The following DMRT1 variants were observed in gnomAD, a reference collection of about 807,000 sequenced individuals.
DMRT1 encodes doublesex- and mab-3-related transcription factor 1.
In DMRT1, 7 loss-of-function variants were observed where a neutral mutation model predicts 32.3. The ratio of observed to expected loss-of-function variants is 0.22; its 90% CI spans 0.12 to 0.41. The LOEUF (loss-of-function observed/expected upper bound fraction) is 0.41. Among genes scored for constraint, DMRT1 ranks in the 10% least tolerant of loss-of-function variants. The pLI, the probability that DMRT1 is intolerant of heterozygous loss-of-function variation, is 1.00. For missense variants in DMRT1, 625 were observed against 500.5 expected (o/e 1.25, Z -2.37); for synonymous variants, 278 against 206.1 (o/e 1.35, Z -2.99).
chr9:843,168 A>G (rs1838761834), intron 1 of DMRT1, among the ~76,000 whole-genome samples: 1 of 152,290 alleles, frequency 6.6e-6, no homozygotes, highest in African/African-American at 2.4e-5. Context: ...ATTAGAAAGG[A>G]TCTTGGAGGG....
At chr9:855,302 A>G (rs1289353690) in intron 2 of DMRT1, among the ~76,000 whole-genome samples, 1 of 152,232 alleles carries the variant, frequency 6.6e-6, no homozygotes, top group Non-Finnish European at 1.5e-5. Flanking sequence ...ACGTAAATAC[A>G]GGGGTTAAAG....
chr9:868,011 T>G (rs1349303173), intron 2 of DMRT1, among the ~76,000 whole-genome samples: 2 of 152,232 alleles, frequency 1.3e-5, no homozygotes, highest in African/African-American at 4.8e-5. Flanking sequence ...AGACAGGGTC[T>G]CTATCGCCCA....
intron 4 of DMRT1, among the ~76,000 whole-genome samples, chr9:960,682 G>T (rs1819743465): frequency 6.6e-6 from 1 of 152,196 alleles, no homozygotes; most frequent in African/African-American, 2.4e-5. Flanking sequence ...GGTACGAGCT[G>T]GGCTTGGCCC....
chr9:947,685 G>A (rs1283522926), intron 4 of DMRT1, among the ~76,000 whole-genome samples: 1 of 152,008 alleles, frequency 6.6e-6, no homozygotes, highest in Non-Finnish European at 1.5e-5. Flanking sequence ...ATGCAGTGGC[G>A]CGATCTCGGC....
intron 3 of DMRT1, among the ~76,000 whole-genome samples, chr9:907,240 C>G (rs1373342410): frequency 6.6e-6 from 1 of 152,184 alleles, no homozygotes; most frequent in Non-Finnish European, 1.5e-5. Context: ...TCCTTTCTCT[C>G]CAGCCATTTT....
intron 3 of DMRT1, among the ~76,000 whole-genome samples, chr9:905,513 T>TGTGTGG (rs1418612091): frequency 4.6e-5 from 7 of 151,772 alleles, no homozygotes; most frequent in African/African-American, 1.5e-4. Context: ...TGTGTGTGTG[T>TGTGTGG]GGCACTGCAG....
chr9:861,795 G>T (rs182940084), intron 2 of DMRT1, among the ~76,000 whole-genome samples: 2 of 69,606 alleles, frequency 2.9e-5, no homozygotes, highest in Non-Finnish European at 7.1e-5. Flanking sequence ...CAGACGGGGC[G>T]GCTGCCGGGC....
In DMRT1 at chr9:961,096, A is replaced by G. The variant is rs796541618; in HGVS notation, c.968-6889A>G. ...AGCAGAGACATGGAGAGGTTAAGGG[A>G]CCTGTCCAAGGTCTTCAGGTAGTAA... On this transcript the variant is annotated intron_variant, in intron 4 of 4. Transcript: ENST00000382276. 1.8e-4 allele frequency among the ~76,000 whole-genome samples: 27 copies of G among 152,248 alleles called. 1 individual carries two copies. The highest frequency in any genetic ancestry group is 6.3e-4 in the African/African-American group (26 of 41,542).
intron 4 of DMRT1, among the ~76,000 whole-genome samples, chr9:961,773 A>G (rs1322145779): frequency 6.6e-6 from 1 of 152,192 alleles, no homozygotes; most frequent in African/African-American, 2.4e-5. Flanking sequence ...GATGCGTTCA[A>G]AAGCAAGAAT....
chr9:854,644 G>C (rs1055005923), intron 2 of DMRT1, among the ~76,000 whole-genome samples: 3 of 151,966 alleles, frequency 2.0e-5, no homozygotes, highest in Non-Finnish European at 4.4e-5. Flanking sequence ...TTTGATTTTA[G>C]ACAGCTTTCA....
At chr9:921,237 C>T (rs775260216) in intron 4 of DMRT1, among the ~76,000 whole-genome samples, 15 of 152,272 alleles carry the variant, frequency 9.9e-5, no homozygotes, top group Non-Finnish European at 1.9e-4. Flanking sequence ...AATGGAATCT[C>T]ATAATATGTA....
chr9:967,037 G>C (rs1440293238), intron 4 of DMRT1, among the ~76,000 whole-genome samples: 3 of 152,154 alleles, frequency 2.0e-5, no homozygotes, highest in Non-Finnish European at 4.4e-5. Context: ...ATTAACGATT[G>C]GCCATTTGGA....
intron 2 of DMRT1, among the ~76,000 whole-genome samples, chr9:872,940 C>T (rs959448984): frequency 3.3e-5 from 5 of 152,124 alleles, no homozygotes; most frequent in East Asian, 1.9e-4. Context: ...GCTGATTGGA[C>T]GATGTCCCCC....
At chr9:956,098 A>T (rs1397202383) in intron 4 of DMRT1, among the ~76,000 whole-genome samples, 1 of 152,256 alleles carries the variant, frequency 6.6e-6, no homozygotes, top group Non-Finnish European at 1.5e-5. Flanking sequence ...CTTTAAAAGG[A>T]AGGAAATTCT....
chr9:930,895 C>T (rs868065426), intron 4 of DMRT1, among the ~76,000 whole-genome samples: 3 of 152,154 alleles, frequency 2.0e-5, no homozygotes, highest in African/African-American at 7.2e-5. Context: ...CCATAAAATT[C>T]ATCCTTTTAA....
intron 4 of DMRT1, among the ~76,000 whole-genome samples, chr9:966,589 C>A (rs927352896): frequency 1.3e-5 from 2 of 152,184 alleles, no homozygotes; most frequent in Non-Finnish European, 2.9e-5. Context: ...ATATGTCACA[C>A]TGGAAGAAGG....
chr9:967,807 A>G (rs571753694), intron 4 of DMRT1, among the ~76,000 whole-genome samples, 178 bp from the exon 5 acceptor site: 19 of 152,300 alleles, frequency 1.2e-4, no homozygotes, highest in African/African-American at 4.6e-4. Context: ...TTTTTATTCT[A>G]AAGAAATGCT....
intron 3 of DMRT1, among the ~76,000 whole-genome samples, chr9:908,864 G>T (rs1005639202): frequency 2.6e-5 from 4 of 152,096 alleles, no homozygotes; most frequent in Non-Finnish European, 5.9e-5. Flanking sequence ...CATTTGGAGG[G>T]AGAGCTTTCG....
intron 4 of DMRT1, among the ~76,000 whole-genome samples, chr9:922,938 C>T (rs1406872616): frequency 2.6e-5 from 4 of 152,150 alleles, no homozygotes; most frequent in African/African-American, 7.2e-5. Flanking sequence ...GAGTTGAAGG[C>T]TTCATGCTCC....
Sources: allele counts gnomAD v4.1 joint callset (sites outside exome capture counted in the v4.1 genomes callset), GRCh38; gene constraint gnomAD v4.1.1; transcripts MANE v1.5; gene names NCBI Gene and HGNC (gene_info 2026-07-23, HGNC 2026-07-21).